The following LOXL2 variants were observed in gnomAD, a reference collection of about 807,000 sequenced individuals.
LOXL2 encodes the protein lysyl oxidase like 2, also known as lysyl oxidase homolog 2.
LOXL2 carries 70 observed loss-of-function variants against 93.0 expected under a neutral mutation model. The ratio of observed to expected loss-of-function variants is 0.75; its 90% CI spans 0.62 to 0.92. The LOEUF (loss-of-function observed/expected upper bound fraction) is 0.92. Among genes scored for constraint, LOXL2 ranks in the 40% least tolerant of loss-of-function variants. The pLI is 0.00. For synonymous variants in LOXL2, 438 were observed against 413.2 expected (o/e 1.06, Z -0.73); for missense variants, 973 against 1,054.9 (o/e 0.92, Z 1.08).
intron 3 of LOXL2, among the ~76,000 whole-genome samples, chr8:23,356,757 G>A (rs1389219611): frequency 2.6e-5 from 4 of 152,216 alleles, no homozygotes; most frequent in Admixed American, 6.5e-5. Flanking sequence ...AATGCAGAGT[G>A]TGTAAGGCTG....
intron 3 of LOXL2, among the ~76,000 whole-genome samples, chr8:23,356,195 A>G (rs1804194708): frequency 6.6e-6 from 1 of 152,186 alleles, no homozygotes; most frequent in Admixed American, 6.5e-5. Context: ...ACAGAGCCCT[A>G]GGGCTCACCA....
intron 3 of LOXL2, among the ~76,000 whole-genome samples, chr8:23,346,083 TAA>T (rs1246175951): frequency 7.0e-4 from 52 of 74,010 alleles, no homozygotes; most frequent in African/African-American, 2.9e-3. Context: ...TAAAATAAAA[TAA>T]TAAAATAAAA....
intron 4 of LOXL2, among the ~76,000 whole-genome samples, chr8:23,337,793 T>C (rs77511108): frequency 0.043 from 6,612 of 152,154 alleles, 507 homozygotes; most frequent in African/African-American, 0.15. Flanking sequence ...GGTACATGCA[T>C]TGCACCCCAG....
intron 3 of LOXL2, among the ~76,000 whole-genome samples, chr8:23,343,602 A>G (rs1423447001): frequency 1.3e-5 from 2 of 152,240 alleles, no homozygotes; most frequent in Non-Finnish European, 2.9e-5. Context: ...CATGGGCTTC[A>G]GGGTCCACAG....
chr8:23,342,581 G>A (rs372654510), intron 3 of LOXL2, among the ~76,000 whole-genome samples: 10 of 151,806 alleles, frequency 6.6e-5, no homozygotes, highest in African/African-American at 1.7e-4. Context: ...ACAGGCGCAC[G>A]CCACCACACC....
chr8:23,358,848 T>C (rs1804241448), intron 3 of LOXL2, among the ~76,000 whole-genome samples: 1 of 150,734 alleles, frequency 6.6e-6, no homozygotes, highest in South Asian at 2.1e-4. Flanking sequence ...TACCTGCATT[T>C]TTTTTTTTTT....
chr8:23,297,726 AATGGG>A lies in LOXL2; in HGVS notation c.*312_*316del. 5.4e-5 allele frequency: 12 copies of A among 220,776 alleles called. No individual in the cohort carries two copies. The highest frequency in any genetic ancestry group is 8.7e-5 in the Non-Finnish European group (10 of 115,312). The allele number at this position is 220,776 out of a possible 1,614,324, so 13.7% of individuals were successfully genotyped here. On this transcript the variant is annotated 3_prime_UTR_variant, in exon 14 of 14. Transcript: ENST00000389131. Reference sequence around the variant, plus strand: ...TGTCTGTGGTGAGCTCGGTGGCTTGAATGGGACAAGCTGATGACAACCTGTCTGTG... The same window carrying A: ...TGTCTGTGGTGAGCTCGGTGGCTTGAACAAGCTGATGACAACCTGTCTGTG...
At position 23,333,480 on chromosome 8, in the gene LOXL2, G is replaced by A. The variant is rs752798008; in HGVS notation, c.887C>T (p.Pro296Leu). Reference sequence around the variant, plus strand: ...CCCAGGCACACAACTCACCACGGCCGGTAGCCCATTCTCGCAGGTGACATT... The same window carrying A: ...CCCAGGCACACAACTCACCACGGCCAGTAGCCCATTCTCGCAGGTGACATT... ...MKNVTCENGL[P>L]AVVSCVPGQV... is the part of the protein sequence containing the mutation. Residue 296 changes from proline (P) to leucine (L), a missense_variant, in exon 5 of 14, where the codon CCG (proline) becomes CTG (leucine). By Grantham distance (98) the Pro-to-Leu change is moderately conservative. Coordinates refer to ENST00000389131, the MANE Select transcript of LOXL2 (RefSeq NM_002318.3). 36 of 1,613,854 alleles carry A rather than the reference G, an allele frequency of 2.2e-5. No homozygotes were observed. Among genetic ancestry groups the A allele is most frequent in the East Asian group, 6.7e-5 (3 of 44,888 alleles).
chr8:23,403,395 G>A (rs1800176800), intron 1 of LOXL2, among the ~76,000 whole-genome samples: 1 of 152,048 alleles, frequency 6.6e-6, no homozygotes, highest in African/African-American at 2.4e-5. Flanking sequence ...ACAGCCTTTC[G>A]AGCAGGCTGG....
At chr8:23,340,121 G>A (rs1803857224) in intron 4 of LOXL2, among the ~76,000 whole-genome samples, 1 of 152,184 alleles carries the variant, frequency 6.6e-6, no homozygotes, top group African/African-American at 2.4e-5. Flanking sequence ...CCAGAGGCCA[G>A]GGTGTGCGTG....
In LOXL2 at chr8:23,297,758, G is replaced by T; in HGVS notation, c.*285C>A. ...CAAGCTGATGACAACCTGTCTGTGG[G>T]CCTCATCCCGGTCAAGACTGGCTCT... On this transcript the variant is annotated 3_prime_UTR_variant, in exon 14 of 14. Coordinates refer to ENST00000389131, the MANE Select transcript of LOXL2 (RefSeq NM_002318.3). The T allele has an allele frequency of 2.8e-6, 1 of 363,282 alleles. No homozygotes were observed. The highest frequency in any genetic ancestry group is 5.1e-6 in the Non-Finnish European group (1 of 197,314). The allele number at this position is 363,282 out of a possible 1,614,324, so 22.5% of individuals were successfully genotyped here. A position where few individuals can be genotyped will look rare whatever the true frequency, so the allele number is the denominator to read the frequency against.
Position 23,322,113 on chromosome 8 carries a change from G to A in LOXL2, c.1302+17C>T. Reference sequence around the variant, plus strand: ...CAGCCTCAGTTACAGTCCCCTCTAGGTGTCCAGTCCCATCACCTTCTTCTG... The same window carrying A: ...CAGCCTCAGTTACAGTCCCCTCTAGATGTCCAGTCCCATCACCTTCTTCTG... On this transcript the variant is annotated intron_variant, in intron 7 of 13. Transcript: ENST00000389131. 2 of 1,613,292 alleles carry A rather than the reference G, an allele frequency of 1.2e-6. No homozygotes were observed. Among genetic ancestry groups the A allele is most frequent in the Non-Finnish European group, 1.7e-6 (2 of 1,179,512 alleles).
intron 3 of LOXL2, among the ~76,000 whole-genome samples, chr8:23,346,182 T>TAACAA (rs1554479845): frequency 9.9e-6 from 1 of 100,508 alleles, no homozygotes; most frequent in African/African-American, 4.6e-5. Context: ...ATAAATAAAA[T>TAACAA]AATAAAATAA....
intron 1 of LOXL2, among the ~76,000 whole-genome samples, chr8:23,387,265 A>C (rs1300243326): frequency 6.6e-6 from 1 of 152,234 alleles, no homozygotes; most frequent in African/African-American, 2.4e-5. Context: ...CACACAGATG[A>C]TTCTAGTATA....
intron 3 of LOXL2, among the ~76,000 whole-genome samples, chr8:23,349,420 A>G (rs1458039836): frequency 1.3e-5 from 2 of 152,076 alleles, no homozygotes; most frequent in African/African-American, 4.8e-5. Flanking sequence ...CCATTCAAAA[A>G]TATTTGTCCA....
At chr8:23,321,987 TA>T in intron 7 of LOXL2, 142 bp downstream of exon 7, 1 of 945,892 alleles carries the variant, frequency 1.1e-6, no homozygotes, top group Non-Finnish European at 1.6e-6. Context: ...GAGGGGGAAC[TA>T]AACATTGCAA....
At chr8:23,384,172 AC>A (rs1406883834) in intron 1 of LOXL2, among the ~76,000 whole-genome samples, 2 of 152,152 alleles carry the variant, frequency 1.3e-5, no homozygotes, top group Non-Finnish European at 2.9e-5. Context: ...AGAAAATCTC[AC>A]CCTAGCAGAT....
chr8:23,332,242 C>T (rs1169049096), intron 5 of LOXL2, among the ~76,000 whole-genome samples: 1 of 99,228 alleles, frequency 1.0e-5, no homozygotes, highest in Non-Finnish European at 2.1e-5. Flanking sequence ...CACTCACACC[C>T]CCACACACTT....
In LOXL2 at chr8:23,298,003, TG is replaced by T; in HGVS notation, c.*39del. On this transcript the variant is annotated 3_prime_UTR_variant, in exon 14 of 14. Coordinates refer to ENST00000389131, the MANE Select transcript of LOXL2 (RefSeq NM_002318.3). The stretch of plus-strand genomic sequence containing the variant: ...TTGGGGGGAAGTCCCATGGAAGATG[TG>T]GTGTGGCCTGAAGACAGGAGTTGAC... 6.5e-7 allele frequency: 1 copy of T among 1,534,436 alleles called. No individual in the cohort carries two copies.
Sources: allele counts gnomAD v4.1 joint callset (sites outside exome capture counted in the v4.1 genomes callset), GRCh38; gene constraint gnomAD v4.1.1; transcripts MANE v1.5; gene names NCBI Gene and HGNC (gene_info 2026-07-23, HGNC 2026-07-21).